Variants in ELAVL4 observed in about 807,000 individuals in gnomAD.
ELAVL4 encodes ELAV-like protein 4.
ELAVL4 carries 1 observed loss-of-function variant against 35.6 expected under a neutral mutation model. That is an observed-to-expected ratio of 0.03 (90% CI 0.01 to 0.13). The LOEUF is 0.13. ELAVL4 is among the 10% of genes least tolerant of loss of function. The pLI, the probability that ELAVL4 is intolerant of heterozygous loss-of-function variation, is 1.00. For missense variants in ELAVL4, 267 were observed against 464.9 expected, an observed-to-expected ratio of 0.57 and a Z score of 3.91; for synonymous variants, 156 against 171.0, an observed-to-expected ratio of 0.91 and a Z score of 0.69.
At chr1:50,124,024 G>A (rs572998320) in intron 1 of ELAVL4, among the ~76,000 whole-genome samples, 1 of 152,096 alleles carries the variant, frequency 6.6e-6, no homozygotes, top group South Asian at 2.1e-4. Flanking sequence ...GTAATTGATT[G>A]TTAACTGATG....
At chr1:50,184,453 C>G (rs930656663) in intron 3 of ELAVL4, among the ~76,000 whole-genome samples, 2 of 151,584 alleles carry the variant, frequency 1.3e-5, no homozygotes, top group African/African-American at 4.8e-5. Flanking sequence ...ATTATGGACT[C>G]CATATCACAG....
upstream of ELAVL4, among the ~76,000 whole-genome samples, chr1:50,103,089 TA>T (rs1666074734): frequency 1.3e-5 from 2 of 152,200 alleles, no homozygotes; most frequent in South Asian, 4.1e-4. Context: ...TGTTCTTGCA[TA>T]AGGCTTAGGA....
At chr1:50,105,229 T>C (rs1666208317), upstream of ELAVL4, among the ~76,000 whole-genome samples, 1 of 152,222 alleles carries the variant, frequency 6.6e-6, no homozygotes, top group Non-Finnish European at 1.5e-5. Flanking sequence ...ATGCACACTT[T>C]TGAGTTTTCA....
intron 6 of ELAVL4, among the ~76,000 whole-genome samples, chr1:50,198,361 T>C (rs1644186015): frequency 6.6e-6 from 1 of 152,212 alleles, no homozygotes; most frequent in Non-Finnish European, 1.5e-5. Context: ...TCTTGCTCAG[T>C]AGAGCTGCAC....
At chr1:50,118,116 G>A (rs994308800) in intron 1 of ELAVL4, among the ~76,000 whole-genome samples, 1 of 152,108 alleles carries the variant, frequency 6.6e-6, no homozygotes, top group Non-Finnish European at 1.5e-5. Flanking sequence ...AATAGGCTGA[G>A]CTTAATTGAT....
intron 1 of ELAVL4, among the ~76,000 whole-genome samples, chr1:50,064,701 A>G (rs1664175481): frequency 6.6e-6 from 1 of 152,196 alleles, no homozygotes; most frequent in African/African-American, 2.4e-5. Flanking sequence ...AGAATTTCCC[A>G]TCCTATTATC....
At chr1:50,103,981 G>C (rs1189184854), upstream of ELAVL4, 7 of 1,613,878 alleles carry the variant, frequency 4.3e-6, no homozygotes, top group African/African-American at 8.0e-5. Context: ...AAATGAGCCG[G>C]CTACAGTCAT....
chr1:50,118,203 A>T (rs1668282032), intron 1 of ELAVL4, among the ~76,000 whole-genome samples: 1 of 151,810 alleles, frequency 6.6e-6, no homozygotes, highest in Non-Finnish European at 1.5e-5. Flanking sequence ...CTTACTTCAG[A>T]TCTATTTTTT....
At chr1:50,120,808 G>A (rs1668899580) in intron 1 of ELAVL4, among the ~76,000 whole-genome samples, 1 of 152,030 alleles carries the variant, frequency 6.6e-6, no homozygotes, top group Non-Finnish European at 1.5e-5. Context: ...AAAGAAGTGT[G>A]CTATTAGAGG....
At chr1:50,177,741 G>A (rs749727843) in intron 3 of ELAVL4, among the ~76,000 whole-genome samples, 1 of 152,116 alleles carries the variant, frequency 6.6e-6, no homozygotes, top group South Asian at 2.1e-4. Context: ...ACTCGAAAAG[G>A]GAGCATCAGT....
chr1:50,166,144 G>A (rs888811722), intron 2 of ELAVL4, among the ~76,000 whole-genome samples: 9 of 151,676 alleles, frequency 5.9e-5, no homozygotes, highest in Non-Finnish European at 7.4e-5. Flanking sequence ...TCACAGACAC[G>A]CCCAGGATCA....
At chr1:50,145,542 AT>A (rs1673554898) in intron 2 of ELAVL4, among the ~76,000 whole-genome samples, 2 of 152,050 alleles carry the variant, frequency 1.3e-5, no homozygotes, top group Non-Finnish European at 2.9e-5. Context: ...TTGCTCATGT[AT>A]TCTCCTCCTC....
At chr1:50,163,194 T>G (rs1344844479) in intron 2 of ELAVL4, among the ~76,000 whole-genome samples, 1 of 152,198 alleles carries the variant, frequency 6.6e-6, no homozygotes, top group African/African-American at 2.4e-5. Flanking sequence ...CTGTCAATTT[T>G]TTCAAATTAG....
intron 2 of ELAVL4, among the ~76,000 whole-genome samples, chr1:50,160,282 A>G (rs1467119802): frequency 2.0e-5 from 3 of 152,222 alleles, no homozygotes; most frequent in Non-Finnish European, 4.4e-5. Flanking sequence ...ATCAAAGAAG[A>G]TGACGTTCCC....
intron 3 of ELAVL4, among the ~76,000 whole-genome samples, chr1:50,182,365 G>A (rs763374566): frequency 2.6e-5 from 4 of 152,204 alleles, no homozygotes; most frequent in Non-Finnish European, 5.9e-5. Context: ...CTTTCAGAGT[G>A]TTGGGACACC....
At chr1:50,122,299 G>T (rs1413515670) in intron 1 of ELAVL4, among the ~76,000 whole-genome samples, 1 of 152,072 alleles carries the variant, frequency 6.6e-6, no homozygotes, top group Non-Finnish European at 1.5e-5. Flanking sequence ...ATTTTACTAT[G>T]TAAGAAGATG....
chr1:50,176,891 G>A (rs1382290443), intron 2 of ELAVL4, among the ~76,000 whole-genome samples, 198 bp from the exon 3 acceptor site: 1 of 152,200 alleles, frequency 6.6e-6, no homozygotes, highest in Non-Finnish European at 1.5e-5. Flanking sequence ...CAATGAGAGT[G>A]AGAGTTGGAG....
chr1:50,201,362 A>AT lies in ELAVL4; in HGVS notation c.*184_*185insT. On this transcript the variant is annotated 3_prime_UTR_variant, in exon 7 of 7. Coordinates refer to ENST00000371824, the MANE Select transcript of ELAVL4 (RefSeq NM_001144774.3). This position sits in a 1 kb window ranked among gnomAD's most constrained non-coding sequence, Gnocchi z 4.3. The stretch of plus-strand genomic sequence containing the variant: ...TTGGATTATCCTGAGGTGTACCAGG[A>AT]AAGGATTTTATAATGCTTAGAAAAA... 1.8e-6 allele frequency: 1 copy of AT among 571,022 alleles called. No homozygotes were observed. The highest frequency in any genetic ancestry group is 2.6e-6 in the Non-Finnish European group (1 of 384,508). 35.4% of individuals were successfully genotyped at this position (571,022 alleles called of 1,614,324 possible).
intron 2 of ELAVL4, among the ~76,000 whole-genome samples, chr1:50,149,631 C>A (rs866025100): frequency 1.3e-5 from 2 of 150,046 alleles, no homozygotes; most frequent in Non-Finnish European, 3.0e-5. Flanking sequence ...GCAACCTCCA[C>A]CTCCTGGGTT....
Sources: gnomAD v4.1 joint callset for allele counts (sites outside exome capture counted in the v4.1 genomes callset) on GRCh38, gnomAD v4.1.1 for gene constraint, Gnocchi (gnomAD v3.1) non-coding constraint, MANE v1.5 for transcripts, NCBI Gene and HGNC (gene_info 2026-07-23, HGNC 2026-07-21) for gene names.